Variants in WNT3A observed in about 807,000 individuals in gnomAD.
WNT3A encodes Wnt family member 3A.
In WNT3A, 17 loss-of-function variants were observed where a neutral mutation model predicts 37.0. That is an observed-to-expected ratio of 0.46 (90% confidence interval 0.31 to 0.69). The LOEUF (loss-of-function observed/expected upper bound fraction) is 0.69, where lower values mean the gene tolerates loss of function less well. Among genes scored for constraint, WNT3A ranks in the 30% least tolerant of loss-of-function variants. The pLI is 0.05. For synonymous variants in WNT3A, 187 were observed against 211.0 expected, an observed-to-expected ratio of 0.89 and a Z score of 0.99; for missense variants, 411 against 510.2, an observed-to-expected ratio of 0.81 and a Z score of 1.87.
chr1:228,043,786 C>T (rs949279378), intron 2 of WNT3A, among the ~76,000 whole-genome samples: 7 of 152,060 alleles, frequency 4.6e-5, no homozygotes, highest in East Asian at 1.9e-4. Flanking sequence ...GAAAGATGCC[C>T]GTGCTCCCAG....
Position 228,042,447 on chromosome 1 carries a change from G to A in WNT3A, c.314-8209G>A, listed in dbSNP as rs541171982. Among the ~76,000 whole-genome samples, 1 of 151,952 alleles carries A rather than the reference G, an allele frequency of 6.6e-6. No individual in the cohort carries two copies. The highest frequency in any genetic ancestry group is 2.1e-4 in the South Asian group (1 of 4,802). On this transcript the variant is annotated intron_variant, in intron 2 of 3. Coordinates refer to ENST00000284523, the MANE Select transcript of WNT3A (RefSeq NM_033131.4). This position sits in a 1 kb window ranked among gnomAD's most constrained non-coding sequence, Gnocchi z 5.2. ...GTGGATAGATGGATGAATGGATGATGGGTGGATGATGGATGAATGGTGATG... is the reference window on the plus strand; with the variant it reads ...GTGGATAGATGGATGAATGGATGATAGGTGGATGATGGATGAATGGTGATG...
At chr1:228,036,330 A>AT (rs2031142176) in intron 2 of WNT3A, among the ~76,000 whole-genome samples, 1 of 152,016 alleles carries the variant, frequency 6.6e-6, no homozygotes, top group South Asian at 2.1e-4. Context: ...GTGTGCCTAT[A>AT]TGTGCACATA....
At position 228,038,871 on chromosome 1, in the gene WNT3A, T is replaced by C. The variant is rs142806678; in HGVS notation, c.314-11785T>C. On this transcript the variant is annotated intron_variant, in intron 2 of 3. Coordinates refer to ENST00000284523, the MANE Select transcript of WNT3A (RefSeq NM_033131.4). This position sits in a 1 kb window ranked among gnomAD's most constrained non-coding sequence, Gnocchi z 5.7. ...GGGAAGGCCTGTGGGGTGGGGCATT[T>C]GCCCTGCAGACCTGGGGAGAGAAGC... Among the ~76,000 whole-genome samples the C allele has an allele frequency of 8.4e-3, 1,277 of 152,262 alleles. 18 individuals are homozygous for C. The highest frequency in any genetic ancestry group is 0.029 in the African/African-American group (1,197 of 41,548).
chr1:228,038,965 G>C lies in WNT3A; in HGVS notation c.314-11691G>C, dbSNP rs368201191. On this transcript the variant is annotated intron_variant, in intron 2 of 3. Coordinates refer to ENST00000284523, the MANE Select transcript of WNT3A (RefSeq NM_033131.4). This position sits in a 1 kb window ranked among gnomAD's most constrained non-coding sequence, Gnocchi z 5.7. Reference sequence around the variant, plus strand: ...GTCACAGTGGAGGTGAGAACTTCCCGGTGGAGATTCAGCAGAGTTTTTCTC... The same window carrying C: ...GTCACAGTGGAGGTGAGAACTTCCCCGTGGAGATTCAGCAGAGTTTTTCTC... Among the ~76,000 whole-genome samples the C allele has an allele frequency of 6.6e-6, 1 of 152,120 alleles. No individual in the cohort carries two copies. The highest frequency in any genetic ancestry group is 2.1e-4 in the South Asian group (1 of 4,824).
chr1:228,044,464 C>A (rs1774752), intron 2 of WNT3A, among the ~76,000 whole-genome samples: 2 of 152,200 alleles, frequency 1.3e-5, no homozygotes, highest in African/African-American at 4.8e-5. Flanking sequence ...TCTTCCCTGT[C>A]CCTCATGCCC....
chr1:228,033,089 T>C (rs933536087), intron 2 of WNT3A, among the ~76,000 whole-genome samples: 1 of 152,244 alleles, frequency 6.6e-6, no homozygotes, highest in Admixed American at 6.5e-5. Flanking sequence ...CCTTATCCAA[T>C]ACATGACTTG....
intron 2 of WNT3A, among the ~76,000 whole-genome samples, chr1:228,024,110 A>G (rs1434051221): frequency 6.6e-6 from 1 of 152,202 alleles, no homozygotes; most frequent in Non-Finnish European, 1.5e-5. Flanking sequence ...TTTCTTGGAC[A>G]TGCATGTGTT....
chr1:228,036,259 C>G (rs2031139412), intron 2 of WNT3A, among the ~76,000 whole-genome samples: 1 of 152,164 alleles, frequency 6.6e-6, no homozygotes, highest in South Asian at 2.1e-4. Context: ...GGCCCAGCCT[C>G]TTGTGTGTGT....
At chr1:228,051,060 G>A in intron 3 of WNT3A, 139 bp downstream of exon 3, 1 of 1,164,788 alleles carries the variant, frequency 8.6e-7, no homozygotes, top group Non-Finnish European at 1.2e-6. Flanking sequence ...TGCCTGGGGT[G>A]TGCGAAGCTT....
chr1:228,011,094 C>A (rs1248784392), intron 1 of WNT3A, among the ~76,000 whole-genome samples: 2 of 152,192 alleles, frequency 1.3e-5, no homozygotes, highest in African/African-American at 4.8e-5. Context: ...GGGAGACAGC[C>A]TGACTGGAAG....
intron 3 of WNT3A, among the ~76,000 whole-genome samples, chr1:228,054,872 T>G (rs1431821829): frequency 6.6e-6 from 1 of 151,258 alleles, no homozygotes; most frequent in Non-Finnish European, 1.5e-5. Flanking sequence ...AATTATATAA[T>G]AGGCTGGGCA....
chr1:228,030,795 G>T (rs1406659266), intron 2 of WNT3A, among the ~76,000 whole-genome samples: 1 of 152,228 alleles, frequency 6.6e-6, no homozygotes, highest in Non-Finnish European at 1.5e-5. Context: ...GCCCTCTCAG[G>T]AGTGTCCCCC....
At chr1:228,046,040 G>A (rs186646739) in intron 2 of WNT3A, among the ~76,000 whole-genome samples, 1 of 152,354 alleles carries the variant, frequency 6.6e-6, no homozygotes, top group Admixed American at 6.5e-5. Flanking sequence ...CCGATCCCTG[G>A]CCGCTCCCCT....
chr1:228,040,971 T>TTATATATATA (rs4065965), intron 2 of WNT3A, among the ~76,000 whole-genome samples: 58 of 138,142 alleles, frequency 4.2e-4, no homozygotes, highest in East Asian at 2.9e-3. Flanking sequence ...GGTAGATATT[T>TTATATATATA]TATATATATA....
intron 2 of WNT3A, among the ~76,000 whole-genome samples, chr1:228,030,510 C>G (rs1376306507): frequency 6.6e-6 from 1 of 152,174 alleles, no homozygotes; most frequent in Non-Finnish European, 1.5e-5. Flanking sequence ...GAGGTCTGAC[C>G]CAGTGAGAAA....
In WNT3A at chr1:228,039,147, C is replaced by G. The variant is rs1487163418; in HGVS notation, c.314-11509C>G. ...GGGAAAGAGACGAAGCCACAGGTTT[C>G]CAGGGGCTGGGGACAGCATTGGAGG... On this transcript the variant is annotated intron_variant, in intron 2 of 3. Transcript: ENST00000284523. This position sits in a 1 kb window ranked among gnomAD's most constrained non-coding sequence, Gnocchi z 4.1. Among the ~76,000 whole-genome samples, 1 of 152,120 alleles carries G rather than the reference C, an allele frequency of 6.6e-6. No homozygotes were observed. The highest frequency in any genetic ancestry group is 1.5e-5 in the Non-Finnish European group (1 of 68,010).
chr1:228,019,769 T>G (rs1476072183), intron 1 of WNT3A, among the ~76,000 whole-genome samples: 1 of 152,244 alleles, frequency 6.6e-6, no homozygotes, highest in Non-Finnish European at 1.5e-5. Context: ...GTCAGTCTGC[T>G]CTGTCCCAAA....
chr1:228,009,204 C>A (rs2030299966), intron 1 of WNT3A, among the ~76,000 whole-genome samples: 1 of 152,042 alleles, frequency 6.6e-6, no homozygotes, highest in Non-Finnish European at 1.5e-5. Context: ...AGGCTGGCTC[C>A]CTGGGGACAA....
At position 228,059,178 on chromosome 1, in the gene WNT3A, C is replaced by T. The variant is rs1434140543; in HGVS notation, c.772C>T (p.Pro258Ser). The change falls in exon 4 of 4, where the codon CCG becomes TCG. Residue 258 changes from proline (P) to serine (S), a missense_variant. Pro to Ser is a moderately conservative substitution (Grantham distance 74). Transcript: ENST00000284523. ...ESRGWVETLR[P>S]RYTYFKVPTE... ...CCGCGGCTGGGTGGAGACCCTGCGG[C>T]CGCGCTACACCTACTTCAAGGTGCC... The T allele has an allele frequency of 1.2e-6, 2 of 1,613,020 alleles. No individual in the cohort carries two copies. The highest frequency in any genetic ancestry group is 1.7e-6 in the Non-Finnish European group (2 of 1,179,900).
Sources: allele counts gnomAD v4.1 joint callset (sites outside exome capture counted in the v4.1 genomes callset), GRCh38; gene constraint gnomAD v4.1.1; non-coding constraint Gnocchi (gnomAD v3.1); transcripts MANE v1.5; gene names NCBI Gene and HGNC (gene_info 2026-07-23, HGNC 2026-07-21).